BCAS2: variants seen among roughly 807,000 people sequenced by gnomAD.
BCAS2 encodes the protein BCAS2 pre-mRNA processing factor, also known as pre-mRNA-splicing factor SPF27.
A neutral mutation model predicts 35.3 loss-of-function variants in BCAS2; 34 were observed. The observed-to-expected ratio is 0.96, with a 90% CI of 0.73 to 1.28. The LOEUF is 1.28. Ranked by LOEUF, BCAS2 falls within the 50% of genes most tolerant of loss-of-function variation. The probability of loss-of-function intolerance (pLI) is 0.00; values close to 1 mark genes in which losing one functional copy is unlikely to be tolerated. For synonymous variants in BCAS2, 75 were observed against 91.6 expected (o/e 0.82, Z 1.03); for missense variants, 221 against 268.1 (o/e 0.82, Z 1.23).
At position 114,569,913 on chromosome 1, in the gene BCAS2, T is replaced by C. The variant is rs796276257; in HGVS notation, c.551+79A>G. Reference sequence around the variant, plus strand: ...TGTTACCTGTGGCATCCCATTTGAATGCTATTTGAATCATATTATTGAATC... The same window carrying C: ...TGTTACCTGTGGCATCCCATTTGAACGCTATTTGAATCATATTATTGAATC... On this transcript the variant is annotated intron_variant, in intron 6 of 6. Transcript: ENST00000369541. 9.1e-6 allele frequency: 10 copies of C among 1,104,060 alleles called. No homozygotes were observed. In the African/African-American group the frequency reaches 1.6e-4, roughly 17 times the overall value. The allele number at this position is 1,104,060 out of a possible 1,614,324, so 68.4% of individuals were successfully genotyped here.
At chr1:114,577,808 T>C (rs1463449806) in intron 2 of BCAS2, among the ~76,000 whole-genome samples, 1 of 152,244 alleles carries the variant, frequency 6.6e-6, no homozygotes, top group Non-Finnish European at 1.5e-5. Context: ...GGTTATTCCA[T>C]GTAATTTTAA....
intron 4 of BCAS2, among the ~76,000 whole-genome samples, chr1:114,573,326 C>A (rs1298558671): frequency 2.9e-5 from 4 of 136,712 alleles, no homozygotes; most frequent in African/African-American, 1.1e-4. Flanking sequence ...CAACCTTCAA[C>A]TTAATGCCCC....
intron 4 of BCAS2, 73 bp from the exon 5 acceptor site, chr1:114,570,823 T>C: frequency 9.3e-7 from 1 of 1,078,836 alleles, no homozygotes; most frequent in Non-Finnish European, 1.4e-6. Flanking sequence ...TTTTCAAGTT[T>C]TTCTGCCAAA....
In BCAS2 at chr1:114,567,923, A is replaced by T; in HGVS notation, c.*207T>A. On this transcript the variant is annotated 3_prime_UTR_variant, in exon 7 of 7. Coordinates refer to ENST00000369541, the MANE Select transcript of BCAS2 (RefSeq NM_005872.3). ...TTTGAAAGCCTAAAGATTTTCTTTT[A>T]TGGCTATAAAAATACCACCAAGCTA... 1 of 546,462 alleles carries T rather than the reference A, an allele frequency of 1.8e-6. No homozygotes were observed. The highest frequency in any genetic ancestry group is 3.0e-6 in the Non-Finnish European group (1 of 329,318). The allele number at this position is 546,462 out of a possible 1,614,324, so 33.9% of individuals were successfully genotyped here. A position where few individuals can be genotyped will look rare whatever the true frequency, so the allele number is the denominator to read the frequency against.
intron 4 of BCAS2, among the ~76,000 whole-genome samples, chr1:114,572,750 A>C (rs575929356): frequency 6.6e-6 from 1 of 152,306 alleles, no homozygotes; most frequent in African/African-American, 2.4e-5. Context: ...TAATCACCAG[A>C]GAAAGGACTA....
rs200813695 is a variant in BCAS2 at position 114,575,707 on chromosome 1, G to C, written c.302C>G (p.Thr101Ser). ...ATTGTTTACACATTCTTGCCATGCA[G>C]TAATGTCATTTTTTTGACCAGAGGA... ...APSSGQKNDI[T>S]AWQECVNNSM... The change falls in exon 4 of 7, where the codon ACT becomes AGT. Residue 101 changes from threonine to serine, a missense_variant. Coordinates refer to ENST00000369541, the MANE Select transcript of BCAS2 (RefSeq NM_005872.3). 1 of 1,613,056 alleles carries C rather than the reference G, an allele frequency of 6.2e-7. No homozygotes were observed. Among genetic ancestry groups the C allele is most frequent in the East Asian group, 2.2e-5 (1 of 44,852 alleles).
chr1:114,581,206 C>T, intron 2 of BCAS2, 93 bp downstream of exon 2: 1 of 1,268,218 alleles, frequency 7.9e-7, no homozygotes, highest in South Asian at 1.2e-5. Context: ...AGTAGCTATG[C>T]AGGCAATGGT....
intron 3 of BCAS2, 53 bp from the exon 4 acceptor site, chr1:114,575,804 C>T (rs1654748471): frequency 2.5e-6 from 4 of 1,569,318 alleles, no homozygotes; most frequent in African/African-American, 1.4e-5. Context: ...CAAGCCTTTA[C>T]ATCTCTTCTC....
chr1:114,576,451 T>C (rs1322324599), intron 3 of BCAS2, among the ~76,000 whole-genome samples: 1 of 148,932 alleles, frequency 6.7e-6, no homozygotes, highest in Non-Finnish European at 1.5e-5. Flanking sequence ...TTATTATTAT[T>C]ATTATTAATT....
intron 2 of BCAS2, among the ~76,000 whole-genome samples, chr1:114,577,049 G>A (rs1412480876): frequency 1.3e-5 from 2 of 152,178 alleles, no homozygotes; most frequent in Non-Finnish European, 2.9e-5. Context: ...GTTCGACAGT[G>A]CTATGGTTTG....
rs530437919 is a variant in BCAS2, at chr1:114,568,389, G to A, written c.552-133C>T. Reference sequence around the variant, plus strand: ...TTCACTTTTTTTTTTTTTTTGAGACGGAGTCTCGCTCTTGTTGCCCAGGCT... The same window carrying A: ...TTCACTTTTTTTTTTTTTTTGAGACAGAGTCTCGCTCTTGTTGCCCAGGCT... On this transcript the variant is annotated intron_variant, in intron 6 of 6. Transcript: ENST00000369541. 1.5e-4 allele frequency: 136 copies of A among 933,906 alleles called. 1 individual carries two copies. The South Asian group carries it at 2.5e-3, about 17-fold the overall frequency. The allele number at this position is 933,906 out of a possible 1,614,324, so 57.9% of individuals were successfully genotyped here. A position where few individuals can be genotyped will look rare whatever the true frequency, so the allele number is the denominator to read the frequency against.
At chr1:114,570,191 A>G in intron 5 of BCAS2, 119 bp from the exon 6 acceptor site, 1 of 683,244 alleles carries the variant, frequency 1.5e-6, no homozygotes, top group Non-Finnish European at 2.5e-6. Context: ...GTACAGTTAT[A>G]GGCTAACTGT....
At chr1:114,575,502 T>C (rs1266406711) in intron 4 of BCAS2, 88 bp downstream of exon 4, 3 of 1,339,078 alleles carry the variant, frequency 2.2e-6, no homozygotes, top group South Asian at 1.5e-5. Context: ...GCACCTCCCA[T>C]ACTTTTAAAA....
intron 4 of BCAS2, among the ~76,000 whole-genome samples, chr1:114,573,884 G>A (rs1292594526): frequency 6.6e-6 from 1 of 152,110 alleles, no homozygotes; most frequent in Non-Finnish European, 1.5e-5. Context: ...CTGAAGATTT[G>A]AGAAACAGTA....
rs951865700 is a variant in BCAS2, at chr1:114,571,171, C to T, written c.420-421G>A. Reference sequence around the variant, plus strand: ...CCTGGTTCAAGAGATTCTCCTGCCTCAGCCTCCCAAGTAGCTGGGATTACA... The same window carrying T: ...CCTGGTTCAAGAGATTCTCCTGCCTTAGCCTCCCAAGTAGCTGGGATTACA... On this transcript the variant is annotated intron_variant, in intron 4 of 6. Transcript: ENST00000369541. Among the ~76,000 whole-genome samples the T allele has an allele frequency of 3.5e-4, 53 of 152,168 alleles. 6 individuals carry two copies. Among genetic ancestry groups the T allele is most frequent in the Non-Finnish European group, 2.9e-5 (2 of 68,028 alleles).
At chr1:114,571,305 T>C (rs1654635328) in intron 4 of BCAS2, among the ~76,000 whole-genome samples, 1 of 151,720 alleles carries the variant, frequency 6.6e-6, no homozygotes, top group African/African-American at 2.4e-5. Context: ...AAGTGATCCA[T>C]CTGCCTCGGC....
chr1:114,578,188 CAAAAACAA>C (rs538555771), intron 2 of BCAS2, among the ~76,000 whole-genome samples: 1,797 of 150,890 alleles, frequency 0.012, 32 homozygotes, highest in African/African-American at 0.041. Context: ...GACTTCATCT[CAAAAACAA>C]AAAAACAAAA....
Position 114,581,318 on chromosome 1 carries a change from G to C in BCAS2, c.167C>G (p.Pro56Arg). The change falls in exon 2 of 7, where the codon CCG becomes CGG. Residue 56 changes from proline (P) to arginine (R), a missense_variant. By Grantham distance (103) the Pro-to-Arg change is moderately radical (BLOSUM62 -2). Coordinates refer to ENST00000369541, the MANE Select transcript of BCAS2 (RefSeq NM_005872.3). Reference protein sequence around the residue: ...TKNYLSYLTAPDYSAFETDIM... With the variant: ...TKNYLSYLTARDYSAFETDIM... Reference sequence around the variant, plus strand: ...ACTTACTTCAAAGGCAGAATAATCCGGGGCTGTCAGGTAGCTCAGGTAGTT... The same window carrying C: ...ACTTACTTCAAAGGCAGAATAATCCCGGGCTGTCAGGTAGCTCAGGTAGTT... 6.2e-7 allele frequency: 1 copy of C among 1,614,150 alleles called. No homozygotes were observed. The highest frequency in any genetic ancestry group is 8.5e-7 in the Non-Finnish European group (1 of 1,180,012).
rs1654885377 is a variant in BCAS2 at position 114,581,342 on chromosome 1, T to C, written c.143A>G (p.Asn48Ser). The change falls in exon 2 of 7, where the codon AAC becomes AGC. Residue 48 changes from asparagine (N) to serine (S), a missense_variant. Physicochemically the swap from Asn to Ser is conservative, Grantham distance 46. Transcript: ENST00000369541. ...EETRRYRPTK[N>S]YLSYLTAPDY... is the part of the protein sequence containing the mutation. Reference sequence around the variant, plus strand: ...CGGGGCTGTCAGGTAGCTCAGGTAGTTCTTAGTAGGTCGGTATCTGCGAGT... The same window carrying C: ...CGGGGCTGTCAGGTAGCTCAGGTAGCTCTTAGTAGGTCGGTATCTGCGAGT... 1 of 1,614,162 alleles carries C rather than the reference T, an allele frequency of 6.2e-7. No individual in the cohort carries two copies. Among genetic ancestry groups the C allele is most frequent in the Non-Finnish European group, 8.5e-7 (1 of 1,180,024 alleles).
Sources: gnomAD v4.1 joint callset for allele counts (sites outside exome capture counted in the v4.1 genomes callset) on GRCh38, gnomAD v4.1.1 for gene constraint, MANE v1.5 for transcripts, NCBI Gene and HGNC (gene_info 2026-07-23, HGNC 2026-07-21) for gene names.